The following FIP1L1 variants were observed in gnomAD, a reference collection of about 807,000 sequenced individuals.
The protein encoded by FIP1L1 is factor interacting with PAPOLA and CPSF1.
In FIP1L1, 21 loss-of-function variants were observed where a neutral mutation model predicts 84.6. The ratio of observed to expected loss-of-function variants is 0.25; its 90% confidence interval spans 0.18 to 0.36. FIP1L1 has a LOEUF of 0.36. Ranked by LOEUF, FIP1L1 falls within the 10% of genes least tolerant of loss-of-function variation. FIP1L1 has a pLI of 1.00. For missense variants in FIP1L1, 526 were observed against 751.1 expected (o/e 0.70, Z 3.50); for synonymous variants, 263 against 242.3 (o/e 1.09, Z -0.80).
intron 11 of FIP1L1, among the ~76,000 whole-genome samples, chr4:53,417,466 A>G (rs1466224291): frequency 6.6e-6 from 1 of 151,598 alleles, no homozygotes; most frequent in African/African-American, 2.4e-5. Flanking sequence ...ACATGGAGAA[A>G]CCCCGTCTCT....
intron 11 of FIP1L1, among the ~76,000 whole-genome samples, chr4:53,420,114 C>T (rs1381761569): frequency 7.3e-6 from 1 of 137,210 alleles, no homozygotes; most frequent in Non-Finnish European, 1.5e-5. Context: ...AGGAGAATGG[C>T]GTGAACCCGG....
intron 10 of FIP1L1, among the ~76,000 whole-genome samples, chr4:53,406,244 C>A (rs1457107046): frequency 6.6e-6 from 1 of 152,116 alleles, no homozygotes; most frequent in Non-Finnish European, 1.5e-5. Flanking sequence ...TTGTCAAAGG[C>A]CTTTTCTGCA....
chr4:53,453,183 A>G, intron 16 of FIP1L1, 50 bp downstream of exon 16: 1 of 1,597,400 alleles, frequency 6.3e-7, no homozygotes, highest in Non-Finnish European at 8.6e-7. Flanking sequence ...AAGCACTTAC[A>G]AATTTATTTT....
intron 16 of FIP1L1, among the ~76,000 whole-genome samples, chr4:53,457,784 A>C (rs1341944927): frequency 6.6e-6 from 1 of 152,192 alleles, no homozygotes; most frequent in Non-Finnish European, 1.5e-5. Flanking sequence ...TAAACATAAA[A>C]AAAGAAAAAG....
intron 13 of FIP1L1, among the ~76,000 whole-genome samples, chr4:53,434,801 C>G (rs1768352364): frequency 6.6e-6 from 1 of 152,130 alleles, no homozygotes; most frequent in Non-Finnish European, 1.5e-5. Flanking sequence ...TAGTTTTGAC[C>G]TGGCAGATTC....
chr4:53,384,769 G>A (rs900678997), intron 5 of FIP1L1, among the ~76,000 whole-genome samples: 1 of 152,204 alleles, frequency 6.6e-6, no homozygotes, highest in Non-Finnish European at 1.5e-5. Context: ...TACGATAGGA[G>A]AATAAGAGTC....
Position 53,460,666 on chromosome 4 carries a change from A to AAT in FIP1L1, c.*1221_*1222dup, listed in dbSNP as rs1237573368. On this transcript the variant is annotated 3_prime_UTR_variant, in exon 18 of 18. Transcript: ENST00000337488. ...TTAGGGCTTTTTATTGAATAGAAAA[A>AAT]ATATAAACAATGTTGTAGAGTAATG... 2.5e-6 allele frequency: 1 copy of AAT among 396,050 alleles called. No homozygotes were observed. Among genetic ancestry groups the AAT allele is most frequent in the African/African-American group, 2.1e-5 (1 of 47,608 alleles). The allele number at this position is 396,050 out of a possible 1,614,324, so 24.5% of individuals were successfully genotyped here. A position where few individuals can be genotyped will look rare whatever the true frequency, so the allele number is the denominator to read the frequency against.
At chr4:53,400,661 G>A (rs550749412) in intron 10 of FIP1L1, among the ~76,000 whole-genome samples, 30 of 152,294 alleles carry the variant, frequency 2.0e-4, no homozygotes, top group African/African-American at 7.2e-4. Flanking sequence ...ATAATCTAAT[G>A]CAGGAAGAGA....
At chr4:53,410,373 A>C (rs143154704) in intron 10 of FIP1L1, among the ~76,000 whole-genome samples, 2 of 152,188 alleles carry the variant, frequency 1.3e-5, no homozygotes, top group Admixed American at 6.5e-5. Flanking sequence ...AAGAGGATCA[A>C]CTTCGATGAT....
At position 53,459,914 on chromosome 4, in the gene FIP1L1, A is replaced by AGACT. The variant is rs1721508699; in HGVS notation, c.*466_*469dup. The stretch of plus-strand genomic sequence containing the variant: ...TGACACTCTTGCTTAGTATATTAAG[A>AGACT]GACTCATACATTTTTGATATCACAA... On this transcript the variant is annotated 3_prime_UTR_variant, in exon 18 of 18. Coordinates refer to ENST00000337488, the MANE Select transcript of FIP1L1 (RefSeq NM_030917.4). 1 of 220,818 alleles carries AGACT rather than the reference A, an allele frequency of 4.5e-6. No homozygotes were observed. Among genetic ancestry groups the AGACT allele is most frequent in the Non-Finnish European group, 9.1e-6 (1 of 110,338 alleles). The allele number at this position is 220,818 out of a possible 1,614,324, so 13.7% of individuals were successfully genotyped here. A position where few individuals can be genotyped will look rare whatever the true frequency, so the allele number is the denominator to read the frequency against.
chr4:53,444,604 T>A (rs559412213), intron 15 of FIP1L1, among the ~76,000 whole-genome samples: 18 of 151,848 alleles, frequency 1.2e-4, no homozygotes, highest in Admixed American at 1.1e-3. Context: ...ATTGTACTAA[T>A]TTTTTTTTGG....
intron 10 of FIP1L1, among the ~76,000 whole-genome samples, chr4:53,405,125 G>C (rs1420870746): frequency 6.6e-6 from 1 of 151,962 alleles, no homozygotes; most frequent in Non-Finnish European, 1.5e-5. Flanking sequence ...TTTCTTCTAG[G>C]GTTTTTATGG....
chr4:53,381,750 A>ATTTTTTT (rs1233462083), intron 3 of FIP1L1, among the ~76,000 whole-genome samples: 9 of 63,056 alleles, frequency 1.4e-4, no homozygotes, highest in South Asian at 5.8e-4. Flanking sequence ...AGGCATTTGC[A>ATTTTTTT]TTCTTTTTTT....
At chr4:53,458,022 AGATGTAATTAG>A (rs1720293397) in intron 16 of FIP1L1, among the ~76,000 whole-genome samples, 1 of 152,152 alleles carries the variant, frequency 6.6e-6, no homozygotes, top group Non-Finnish European at 1.5e-5. Context: ...CTGCCCACAC[AGATGTAATTAG>A]GATGTCAGAA....
In FIP1L1 at chr4:53,396,040, G is replaced by A. The variant is rs143016314; in HGVS notation, c.706-3690G>A. On this transcript the variant is annotated intron_variant, in intron 9 of 17. Transcript: ENST00000337488. ...TTCAAGTGATTCTCCTGCCTCAGCC[G>A]CCCGAGTAGCTGGGATTACAGGTGT... Among the ~76,000 whole-genome samples the A allele has an allele frequency of 6.6e-3, 993 of 151,200 alleles. 11 individuals carry two copies. Among genetic ancestry groups the A allele is most frequent in the African/African-American group, 0.023 (958 of 41,154 alleles).
chr4:53,401,574 A>G (rs1375695525), intron 10 of FIP1L1, among the ~76,000 whole-genome samples: 2 of 152,184 alleles, frequency 1.3e-5, no homozygotes, highest in Non-Finnish European at 2.9e-5. Context: ...GATACCAGTT[A>G]TATTTCAGAA....
At chr4:53,378,156 G>T (rs1383982) in intron 1 of FIP1L1, 35,953 of 407,528 alleles carry the variant, frequency 0.088, 3,441 homozygotes, top group African/African-American at 0.28. Flanking sequence ...GGGCCGGGCT[G>T]GGGGGCTGTG....
intron 13 of FIP1L1, among the ~76,000 whole-genome samples, chr4:53,430,168 TCAGTA>T (rs751570613): frequency 5.3e-5 from 8 of 152,146 alleles, no homozygotes; most frequent in Non-Finnish European, 8.8e-5. Context: ...TTTTGTATGT[TCAGTA>T]CTAATTATTA....
At chr4:53,394,963 T>C (rs1447969440) in intron 9 of FIP1L1, among the ~76,000 whole-genome samples, 2 of 152,208 alleles carry the variant, frequency 1.3e-5, no homozygotes, top group Non-Finnish European at 2.9e-5. Context: ...TTTCAAACTT[T>C]TAGTACAGTG....
Sources: gnomAD v4.1 joint callset for allele counts (sites outside exome capture counted in the v4.1 genomes callset) on GRCh38, gnomAD v4.1.1 for gene constraint, MANE v1.5 for transcripts, NCBI Gene and HGNC (gene_info 2026-07-23, HGNC 2026-07-21) for gene names.